SCML4: variants seen among roughly 807,000 people sequenced by gnomAD.
The protein encoded by SCML4 is sex comb on midleg-like protein 4.
A neutral mutation model predicts 41.1 loss-of-function variants in SCML4; 34 were observed. The observed-to-expected ratio is 0.83, with a 90% CI of 0.63 to 1.10. SCML4 has a LOEUF of 1.10. Among genes scored for constraint, SCML4 ranks in the 50% least tolerant of loss-of-function variants. The pLI, the probability that SCML4 is intolerant of heterozygous loss-of-function variation, is 0.00. For missense variants in SCML4, 522 were observed against 534.1 expected, an observed-to-expected ratio of 0.98 and a Z score of 0.22; for synonymous variants, 214 against 220.9, an observed-to-expected ratio of 0.97 and a Z score of 0.28.
chr6:107,768,441 C>T (rs1012024738), intron 2 of SCML4, among the ~76,000 whole-genome samples: 1 of 152,214 alleles, frequency 6.6e-6, no homozygotes, highest in African/African-American at 2.4e-5. Flanking sequence ...TTTAACATTT[C>T]AAGGATGATA....
chr6:107,822,345 C>G (rs1042410556), intron 1 of SCML4, among the ~76,000 whole-genome samples: 8 of 152,226 alleles, frequency 5.3e-5, no homozygotes, highest in African/African-American at 1.7e-4. Flanking sequence ...ACCCTCACCC[C>G]CAGGAGTCAA....
At chr6:107,726,992 G>A (rs1562187799) in intron 5 of SCML4, among the ~76,000 whole-genome samples, 1 of 152,110 alleles carries the variant, frequency 6.6e-6, no homozygotes, top group Non-Finnish European at 1.5e-5. Context: ...GCTAAAAAGT[G>A]GAAGAAACTC....
chr6:107,844,972 A>C, the SCML4 span, among the ~76,000 whole-genome samples: 1 of 151,434 alleles, frequency 6.6e-6, no homozygotes, highest in African/African-American at 2.4e-5. Flanking sequence ...ATGGTGGCTC[A>C]CACCTGTAAC....
At chr6:107,845,794 T>C in the SCML4 span, among the ~76,000 whole-genome samples, 2 of 152,192 alleles carry the variant, frequency 1.3e-5, no homozygotes, top group Non-Finnish European at 2.9e-5. Flanking sequence ...ACTATGAACA[T>C]TTACTACACG....
At chr6:107,837,408 C>G in the SCML4 span, among the ~76,000 whole-genome samples, 1 of 152,104 alleles carries the variant, frequency 6.6e-6, no homozygotes, top group African/African-American at 2.4e-5. Context: ...CATTATGGTC[C>G]CTGACCCCAG....
intron 5 of SCML4, among the ~76,000 whole-genome samples, chr6:107,729,544 T>G (rs7764097): frequency 3.2e-4 from 48 of 152,336 alleles, no homozygotes; most frequent in African/African-American, 1.1e-3. Context: ...ACCCGAGAAT[T>G]TGAACATACA....
chr6:107,765,632 CCAAA>C (rs10572199), intron 2 of SCML4, among the ~76,000 whole-genome samples: 42,004 of 151,710 alleles, frequency 0.28, 8,273 homozygotes, highest in African/African-American at 0.56. Flanking sequence ...CTTAGTGAAA[CCAAA>C]CAAACAAACA....
intron 1 of SCML4, among the ~76,000 whole-genome samples, chr6:107,803,746 T>C (rs550482998): frequency 3.2e-4 from 48 of 150,398 alleles, no homozygotes; most frequent in African/African-American, 1.2e-3. Context: ...ATCTGTGACC[T>C]TACCCCCAAC....
At chr6:107,806,185 T>TC (rs1562277630) in intron 1 of SCML4, among the ~76,000 whole-genome samples, 2 of 5,938 alleles carry the variant, frequency 3.4e-4, no homozygotes, top group African/African-American at 4.8e-4. Context: ...AAACAGAGAT[T>TC]TCCCCCCCCC....
chr6:107,800,439 A>T (rs1408205956), intron 1 of SCML4, among the ~76,000 whole-genome samples: 1 of 152,172 alleles, frequency 6.6e-6, no homozygotes, highest in East Asian at 1.9e-4. Flanking sequence ...AACCAGTCTC[A>T]TCTATTTTTT....
intron 1 of SCML4, among the ~76,000 whole-genome samples, chr6:107,817,660 C>CT (rs1390454086): frequency 5.8e-5 from 8 of 137,394 alleles, no homozygotes; most frequent in Non-Finnish European, 1.3e-4. Flanking sequence ...ACTGAATGTA[C>CT]TTTTTTCTTA....
At chr6:107,805,128 G>C (rs978181748) in intron 1 of SCML4, among the ~76,000 whole-genome samples, 1 of 152,194 alleles carries the variant, frequency 6.6e-6, no homozygotes, top group African/African-American at 2.4e-5. Flanking sequence ...GGGATCAGTA[G>C]GCTTGAGGCA....
chr6:107,836,597 T>C, the SCML4 span, among the ~76,000 whole-genome samples: 3 of 152,208 alleles, frequency 2.0e-5, no homozygotes, highest in Non-Finnish European at 4.4e-5. Flanking sequence ...CACCGCCTGG[T>C]TCAGTGATGA....
At chr6:107,812,052 G>T (rs1784194563) in intron 1 of SCML4, among the ~76,000 whole-genome samples, 8 of 152,186 alleles carry the variant, frequency 5.3e-5, no homozygotes. Context: ...TCCTGTGTGG[G>T]AGCCAGCAGG....
At chr6:107,781,862 A>C (rs1781525707) in intron 1 of SCML4, among the ~76,000 whole-genome samples, 1 of 152,172 alleles carries the variant, frequency 6.6e-6, no homozygotes, top group Non-Finnish European at 1.5e-5. Flanking sequence ...CCAGATGTAG[A>C]ACTCTCAACT....
intron 5 of SCML4, among the ~76,000 whole-genome samples, chr6:107,740,955 G>A (rs1285919957): frequency 2.6e-5 from 4 of 152,114 alleles, no homozygotes; most frequent in African/African-American, 9.7e-5. Context: ...TATGGGAGGA[G>A]GCAATAACAA....
intron 5 of SCML4, among the ~76,000 whole-genome samples, chr6:107,723,255 A>C (rs1353997332): frequency 1.3e-5 from 2 of 152,168 alleles, no homozygotes; most frequent in Non-Finnish European, 2.9e-5. Flanking sequence ...TAGCATACAT[A>C]CTCTACCACA....
At chr6:107,755,603 T>G in intron 2 of SCML4, 1 of 1,348,680 alleles carries the variant, frequency 7.4e-7, no homozygotes, top group South Asian at 1.2e-5. Context: ...GTTCTCTGCC[T>G]GTCGCAACCT....
chr6:107,764,880 C>T (rs1779908722), intron 2 of SCML4, among the ~76,000 whole-genome samples: 1 of 152,146 alleles, frequency 6.6e-6, no homozygotes, highest in Non-Finnish European at 1.5e-5. Context: ...ACCCCTTTCG[C>T]TTGACTCTCG....
Sources: allele counts gnomAD v4.1 joint callset (sites outside exome capture counted in the v4.1 genomes callset), GRCh38; gene constraint gnomAD v4.1.1; transcripts MANE v1.5; gene names NCBI Gene and HGNC (gene_info 2026-07-23, HGNC 2026-07-21).